Variants in LMBR1 observed in about 807,000 individuals in gnomAD.
LMBR1 encodes the protein limb region 1 protein homolog.
LMBR1 carries 52 observed loss-of-function variants against 73.9 expected under a neutral mutation model. That is an observed-to-expected ratio of 0.70 (90% CI 0.56 to 0.89). The LOEUF is 0.89. Among genes scored for constraint, LMBR1 ranks in the 40% least tolerant of loss-of-function variants. The pLI is 0.00. For synonymous variants in LMBR1, 215 were observed against 209.4 expected, an observed-to-expected ratio of 1.03 and a Z score of -0.23; for missense variants, 539 against 579.8, an observed-to-expected ratio of 0.93 and a Z score of 0.72.
intron 1 of LMBR1, among the ~76,000 whole-genome samples, chr7:156,864,416 T>C (rs931006867): frequency 3.9e-5 from 6 of 152,206 alleles, no homozygotes; most frequent in Non-Finnish European, 7.3e-5. Context: ...TCTATATTAA[T>C]ATGTTTCAAA....
At chr7:156,767,054 C>T (rs755013817) in intron 5 of LMBR1, among the ~76,000 whole-genome samples, 20 of 152,272 alleles carry the variant, frequency 1.3e-4, no homozygotes, top group Non-Finnish European at 2.4e-4. Flanking sequence ...GTGGGCCAGT[C>T]GCTTTTGCCA....
intron 1 of LMBR1, among the ~76,000 whole-genome samples, chr7:156,871,220 C>T (rs1429989675): frequency 6.6e-6 from 1 of 152,114 alleles, no homozygotes; most frequent in Admixed American, 6.6e-5. Context: ...AAACATAACA[C>T]CCTACCAACA....
chr7:156,829,831 T>G (rs1027611639), intron 3 of LMBR1, among the ~76,000 whole-genome samples: 2 of 152,208 alleles, frequency 1.3e-5, no homozygotes, highest in Admixed American at 6.5e-5. Context: ...TGCCGATCTC[T>G]ACCTCTGCCG....
At chr7:156,857,037 G>C (rs1301093499) in intron 1 of LMBR1, among the ~76,000 whole-genome samples, 1 of 151,782 alleles carries the variant, frequency 6.6e-6, no homozygotes, top group Non-Finnish European at 1.5e-5. Context: ...TATGCTAAGA[G>C]AGGAAAGAAA....
chr7:156,849,188 G>A (rs76108372), intron 1 of LMBR1, among the ~76,000 whole-genome samples: 6 of 152,286 alleles, frequency 3.9e-5, no homozygotes, highest in African/African-American at 1.2e-4. Context: ...AAAAGTGAAT[G>A]AGATCATGTC....
intron 9 of LMBR1, among the ~76,000 whole-genome samples, chr7:156,754,150 C>T (rs566307524): frequency 5.3e-5 from 8 of 152,198 alleles, no homozygotes; most frequent in Non-Finnish European, 8.8e-5. Context: ...CAGCACACAG[C>T]TTTGCTTTAC....
chr7:156,758,585 T>C (rs1282339926), intron 8 of LMBR1, among the ~76,000 whole-genome samples: 1 of 152,188 alleles, frequency 6.6e-6, no homozygotes, highest in Non-Finnish European at 1.5e-5. Flanking sequence ...TTTGTTCACA[T>C]GACAGCAGGT....
chr7:156,890,840 C>G (rs1802780112), intron 1 of LMBR1, among the ~76,000 whole-genome samples: 1 of 152,088 alleles, frequency 6.6e-6, no homozygotes, highest in Admixed American at 6.6e-5. Context: ...GGATTCCATT[C>G]CTAGGGCTAT....
At chr7:156,867,424 A>T (rs972265321) in intron 1 of LMBR1, among the ~76,000 whole-genome samples, 31 of 152,224 alleles carry the variant, frequency 2.0e-4, no homozygotes, top group African/African-American at 6.8e-4. Context: ...TATATGCTCA[A>T]AAGAAATGAA....
At chr7:156,859,082 T>C (rs1485826602) in intron 1 of LMBR1, among the ~76,000 whole-genome samples, 1 of 152,040 alleles carries the variant, frequency 6.6e-6, no homozygotes, top group Non-Finnish European at 1.5e-5. Flanking sequence ...AAAGAAACTC[T>C]GTCTCTACTA....
chr7:156,832,464 A>AT (rs1166343496), intron 3 of LMBR1, among the ~76,000 whole-genome samples: 1 of 151,962 alleles, frequency 6.6e-6, no homozygotes, highest in Non-Finnish European at 1.5e-5. Context: ...GCTGCTCCCC[A>AT]TTCTCCTCTC....
intron 15 of LMBR1, among the ~76,000 whole-genome samples, chr7:156,717,421 C>T (rs1813464032): frequency 6.6e-6 from 1 of 151,988 alleles, no homozygotes; most frequent in Non-Finnish European, 1.5e-5. Context: ...GTTTGGAGGT[C>T]TCGATTTGGG....
chr7:156,770,462 C>T (rs1305708933), intron 5 of LMBR1, among the ~76,000 whole-genome samples: 1 of 151,908 alleles, frequency 6.6e-6, no homozygotes, highest in Non-Finnish European at 1.5e-5. Flanking sequence ...AGTAACAAAA[C>T]AAGAATACTT....
chr7:156,676,906 A>G, downstream of LMBR1: 1 of 444,498 alleles, frequency 2.2e-6, no homozygotes, highest in Admixed American at 3.6e-5. Context: ...AAAAAATGAG[A>G]GCTTGCTTAC....
intron 1 of LMBR1, among the ~76,000 whole-genome samples, chr7:156,861,228 A>G (rs985848391): frequency 1.3e-5 from 2 of 152,166 alleles, no homozygotes; most frequent in Non-Finnish European, 2.9e-5. Context: ...TCAATTCTTG[A>G]CTTCTGTGCA....
Position 156,796,427 on chromosome 7 carries a change from A to C in LMBR1, c.385T>G (p.Phe129Val). 6.2e-7 allele frequency: 1 copy of C among 1,610,026 alleles called. No homozygotes were observed. Among genetic ancestry groups the C allele is most frequent in the Non-Finnish European group, 8.5e-7 (1 of 1,178,492 alleles). ...CLFVLMPFAFFFLESEGFAGL... is the reference protein window; with the variant it reads ...CLFVLMPFAFVFLESEGFAGL... Reference sequence around the variant, plus strand: ...GCAAAGCCTTCTGATTCCAGAAAGAAAAAGGCAAAGGGCATCAATACAAAT... The same window carrying C: ...GCAAAGCCTTCTGATTCCAGAAAGACAAAGGCAAAGGGCATCAATACAAAT... Residue 129 changes from phenylalanine (F) to valine (V), a missense_variant, in exon 5 of 17, where the codon TTC (phenylalanine) becomes GTC (valine). Coordinates refer to ENST00000353442, the MANE Select transcript of LMBR1 (RefSeq NM_022458.4).
At chr7:156,769,776 G>C (rs1431664940) in intron 5 of LMBR1, among the ~76,000 whole-genome samples, 1 of 152,198 alleles carries the variant, frequency 6.6e-6, no homozygotes, top group South Asian at 2.1e-4. Flanking sequence ...AGCAGCTAAA[G>C]AACAGTGAGC....
chr7:156,747,572 C>G (rs1179626916), intron 9 of LMBR1, among the ~76,000 whole-genome samples: 1 of 152,022 alleles, frequency 6.6e-6, no homozygotes, highest in African/African-American at 2.4e-5. Flanking sequence ...TGATGAAATA[C>G]AATTATCTCC....
chr7:156,728,895 G>C (rs866740996), intron 10 of LMBR1, among the ~76,000 whole-genome samples, 175 bp from the exon 11 acceptor site: 9 of 152,126 alleles, frequency 5.9e-5, no homozygotes, highest in Admixed American at 3.3e-4. Context: ...ACCCAGGCTA[G>C]AGCACAATGG....
Sources: allele counts gnomAD v4.1 joint callset (sites outside exome capture counted in the v4.1 genomes callset), GRCh38; gene constraint gnomAD v4.1.1; transcripts MANE v1.5; gene names NCBI Gene and HGNC (gene_info 2026-07-23, HGNC 2026-07-21).